SHC3: variants seen among roughly 807,000 people sequenced by gnomAD.
The protein encoded by SHC3 is SHC adaptor protein 3, also known as SHC-transforming protein 3.
SHC3 carries 15 observed loss-of-function variants against 60.4 expected under a neutral mutation model. That is an observed-to-expected ratio of 0.25 (90% CI 0.17 to 0.38). SHC3 has a LOEUF of 0.38. SHC3 is among the 10% of genes least tolerant of loss of function. SHC3 has a pLI of 1.00. For missense variants in SHC3, 677 were observed against 786.1 expected (o/e 0.86, Z 1.66); for synonymous variants, 294 against 325.9 (o/e 0.90, Z 1.05).
chr9:89,178,269 C>T lies in SHC3; in HGVS notation c.192G>A (p.Leu64=). ...GGGACACCTTGTGGAGCAGGTGGCC[C>T]AGGCTGCCGGGCCCATCGTCGGGCG... ...RKAPDDGPGS[L]GHLLHKVSHL... Residue 64 remains leucine, a synonymous_variant, in exon 1 of 12, where the codon CTG becomes CTA. Transcript: ENST00000375835. The surrounding 1 kb of genome is among the most constrained non-coding windows in gnomAD (Gnocchi z 6.9). The T allele has an allele frequency of 6.5e-7, 1 of 1,543,352 alleles. No individual in the cohort carries two copies. The highest frequency in any genetic ancestry group is 8.7e-7 in the Non-Finnish European group (1 of 1,146,916).
At chr9:89,027,110 G>A (rs1028724873) in intron 11 of SHC3, among the ~76,000 whole-genome samples, 4 of 152,186 alleles carry the variant, frequency 2.6e-5, no homozygotes, top group Admixed American at 6.5e-5. Context: ...AGCCTGGTCA[G>A]AGAAGAGCAG....
intron 1 of SHC3, among the ~76,000 whole-genome samples, chr9:89,175,209 G>C (rs1826925906): frequency 6.6e-6 from 1 of 152,188 alleles, no homozygotes; most frequent in Admixed American, 6.5e-5. Flanking sequence ...ATACTTAGGG[G>C]AGTAAAAAGG....
chr9:89,116,045 C>T (rs1273621784), intron 1 of SHC3, among the ~76,000 whole-genome samples: 1 of 152,070 alleles, frequency 6.6e-6, no homozygotes, highest in Non-Finnish European at 1.5e-5. Context: ...AGCAGCAGAA[C>T]CATAGCACAG....
At chr9:89,115,965 A>C (rs537729434) in intron 1 of SHC3, among the ~76,000 whole-genome samples, 122 of 152,348 alleles carry the variant, frequency 8.0e-4, no homozygotes, top group African/African-American at 2.8e-3. Context: ...AGAAATATGT[A>C]AATACCACCA....
At chr9:89,058,443 G>A (rs539336627) in intron 6 of SHC3, among the ~76,000 whole-genome samples, 44 of 150,662 alleles carry the variant, frequency 2.9e-4, no homozygotes, top group African/African-American at 1.1e-3. Flanking sequence ...GATGGTGGTG[G>A]AGGATGATGG....
Position 89,108,562 on chromosome 9 carries a change from T to C in SHC3, c.545+3994A>G, listed in dbSNP as rs10118672. ...ACATACACACACACACACACACACA[T>C]ACACACATACACACCTATCCCTGAT... On this transcript the variant is annotated intron_variant, in intron 2 of 11. Transcript: ENST00000375835. Among the ~76,000 whole-genome samples the C allele has an allele frequency of 2.0e-3, 299 of 149,658 alleles. 2 individuals are homozygous for C. The highest frequency in any genetic ancestry group is 6.4e-3 in the African/African-American group (262 of 40,990).
intron 1 of SHC3, among the ~76,000 whole-genome samples, chr9:89,176,611 TG>T (rs1232810453): frequency 6.6e-6 from 1 of 152,220 alleles, no homozygotes; most frequent in Admixed American, 6.5e-5. Flanking sequence ...TTTTGGCCCC[TG>T]GTTATATAAT....
At chr9:89,136,235 A>T (rs1826317859) in intron 1 of SHC3, among the ~76,000 whole-genome samples, 1 of 152,200 alleles carries the variant, frequency 6.6e-6, no homozygotes, top group African/African-American at 2.4e-5. Flanking sequence ...GAAACATGTC[A>T]GAGGCATTTG....
chr9:89,071,330 AG>A, intron 4 of SHC3, 78 bp from the exon 5 acceptor site: 1 of 1,442,580 alleles, frequency 6.9e-7, no homozygotes, highest in Non-Finnish European at 9.7e-7. Flanking sequence ...GTTTGTTGGC[AG>A]GCATTACAAA....
intron 6 of SHC3, among the ~76,000 whole-genome samples, chr9:89,059,104 A>ACG (rs1825012699): frequency 8.0e-6 from 1 of 125,156 alleles, no homozygotes; most frequent in African/African-American, 3.1e-5. Flanking sequence ...GTGGTGGAGG[A>ACG]TGGTGGTGGA....
chr9:89,024,597 C>T (rs2118650498), intron 11 of SHC3, among the ~76,000 whole-genome samples: 1 of 152,342 alleles, frequency 6.6e-6, no homozygotes, highest in African/African-American at 2.4e-5. Context: ...TATCGCGAGT[C>T]CTGCTTCACA....
At chr9:89,117,204 C>A (rs1826030729) in intron 1 of SHC3, among the ~76,000 whole-genome samples, 2 of 152,168 alleles carry the variant, frequency 1.3e-5, no homozygotes, top group African/African-American at 4.8e-5. Flanking sequence ...AATGTGAATA[C>A]CAGCACCAAC....
chr9:89,144,009 A>G (rs1826432546), intron 1 of SHC3, among the ~76,000 whole-genome samples: 1 of 152,152 alleles, frequency 6.6e-6, no homozygotes. Context: ...TCACTCTTCA[A>G]TATCAGGGCC....
rs1332535541 is a variant in SHC3, at chr9:89,178,055, T to A, written c.406A>T (p.Arg136Trp). The A allele has an allele frequency of 8.2e-6, 10 of 1,216,336 alleles. No homozygotes were observed. Among genetic ancestry groups the A allele is most frequent in the Non-Finnish European group, 1.0e-5 (10 of 978,556 alleles). The allele number at this position is 1,216,336 out of a possible 1,614,324, so 75.3% of individuals were successfully genotyped here. Reference sequence around the variant, plus strand: ...GCGTGCGGCGCCCCCCGAGGGGGCCTGGGCAGCGGCTCGTCGCCGGGCCGG... The same window carrying A: ...GCGTGCGGCGCCCCCCGAGGGGGCCAGGGCAGCGGCTCGTCGCCGGGCCGG... Reference protein sequence around the residue: ...KGRPGDEPLPRPPRGAPHASD... With the variant: ...KGRPGDEPLPWPPRGAPHASD... Residue 136 changes from arginine to tryptophan, a missense_variant, in exon 1 of 12, where the codon AGG becomes TGG. By Grantham distance (101) the Arg-to-Trp change is moderately radical (BLOSUM62 -3). Coordinates refer to ENST00000375835, the MANE Select transcript of SHC3 (RefSeq NM_016848.6). This position sits in a 1 kb window ranked among gnomAD's most constrained non-coding sequence, Gnocchi z 6.9.
At chr9:89,037,954 C>A in intron 11 of SHC3, 39 bp downstream of exon 11, 1 of 1,594,308 alleles carries the variant, frequency 6.3e-7, no homozygotes, top group Admixed American at 1.7e-5. Flanking sequence ...AGGTCTGCAC[C>A]CACTGGCAGG....
At chr9:89,060,348 A>G (rs1422827441) in intron 6 of SHC3, among the ~76,000 whole-genome samples, 1 of 146,586 alleles carries the variant, frequency 6.8e-6, no homozygotes, top group Non-Finnish European at 1.5e-5. Flanking sequence ...AGGACATGGT[A>G]GAGGACGTGG....
intron 1 of SHC3, among the ~76,000 whole-genome samples, chr9:89,153,939 C>A (rs762799801): frequency 3.3e-5 from 5 of 152,168 alleles, no homozygotes; most frequent in Non-Finnish European, 7.3e-5. Flanking sequence ...CAGACATTCC[C>A]TTCGTTCCTC....
intron 10 of SHC3, among the ~76,000 whole-genome samples, chr9:89,041,588 G>A (rs916872612): frequency 6.6e-6 from 1 of 152,212 alleles, no homozygotes; most frequent in East Asian, 1.9e-4. Flanking sequence ...TAAGAGAGAG[G>A]TGTGTTGCAA....
At chr9:89,083,372 C>G (rs1417189177) in intron 2 of SHC3, among the ~76,000 whole-genome samples, 1 of 152,226 alleles carries the variant, frequency 6.6e-6, no homozygotes, top group Non-Finnish European at 1.5e-5. Flanking sequence ...GGAAGGAGCA[C>G]AGCAGGACAG....
Sources: gnomAD v4.1 joint callset for allele counts (sites outside exome capture counted in the v4.1 genomes callset) on GRCh38, gnomAD v4.1.1 for gene constraint, Gnocchi (gnomAD v3.1) non-coding constraint, MANE v1.5 for transcripts, NCBI Gene and HGNC (gene_info 2026-07-23, HGNC 2026-07-21) for gene names.